The following MALRD1 variants were observed in gnomAD, a reference collection of about 807,000 sequenced individuals.
MALRD1 encodes MAM and LDL-receptor class A domain-containing protein 1.
In MALRD1, 247 loss-of-function variants were observed where a neutral mutation model predicts 242.1. That is an observed-to-expected ratio of 1.02 (90% CI 0.92 to 1.13). The LOEUF is 1.13. Ranked by LOEUF, MALRD1 falls within the 50% of genes most tolerant of loss-of-function variation. The pLI is 0.00. For missense variants in MALRD1, 2,989 were observed against 2,533.1 expected (o/e 1.18, Z -3.86); for synonymous variants, 995 against 866.6 (o/e 1.15, Z -2.60).
intron 32 of MALRD1, among the ~76,000 whole-genome samples, chr10:19,547,903 T>C (rs1835310151): frequency 7.3e-6 from 1 of 136,666 alleles, no homozygotes; most frequent in Non-Finnish European, 1.6e-5. Context: ...GTATGGCTGC[T>C]ATTTTCCCAA....
At position 19,283,052 on chromosome 10, in the gene MALRD1, T is replaced by G; in HGVS notation, c.3290T>G (p.Leu1097Arg). Residue 1097 changes from leucine (L) to arginine (R), a missense_variant, in exon 21 of 40, where the codon CTG becomes CGG. By Grantham distance (102) the Leu-to-Arg change is moderately radical. Transcript: ENST00000454679. ...MEVCSFEKRS[L>R]CKWYQPIPVH... Reference sequence around the variant, plus strand: ...GTTTGCAGCTTTGAGAAAAGAAGCCTGTGTAAATGGTATCAACCAATCCCA... The same window carrying G: ...GTTTGCAGCTTTGAGAAAAGAAGCCGGTGTAAATGGTATCAACCAATCCCA... 1 of 1,548,116 alleles carries G rather than the reference T, an allele frequency of 6.5e-7. No individual in the cohort carries two copies.
chr10:19,668,928 TC>T (rs1214454265), intron 36 of MALRD1, among the ~76,000 whole-genome samples: 3 of 152,232 alleles, frequency 2.0e-5, no homozygotes, highest in Non-Finnish European at 4.4e-5. Context: ...ATGAAAAATT[TC>T]CCCAGATTGG....
At chr10:19,692,397 T>C (rs748446296) in intron 37 of MALRD1, 36 bp downstream of exon 37, 153 of 1,531,954 alleles carry the variant, frequency 1.0e-4, no homozygotes, top group Middle Eastern at 6.7e-4. Context: ...TGGCTTGGTT[T>C]GGGGTGGTCT....
At chr10:19,532,926 C>T (rs1436287718) in intron 32 of MALRD1, among the ~76,000 whole-genome samples, 2 of 152,076 alleles carry the variant, frequency 1.3e-5, no homozygotes, top group Non-Finnish European at 2.9e-5. Flanking sequence ...AAATTTTATC[C>T]AGTGTAATTT....
chr10:19,235,068 G>A (rs1838251677), intron 18 of MALRD1, among the ~76,000 whole-genome samples: 1 of 152,184 alleles, frequency 6.6e-6, no homozygotes, highest in Non-Finnish European at 1.5e-5. Context: ...CCAGTAGCCA[G>A]ATCAAGGATA....
chr10:19,171,740 CAT>C (rs1289962042), intron 13 of MALRD1, among the ~76,000 whole-genome samples: 9 of 116,534 alleles, frequency 7.7e-5, no homozygotes, highest in Admixed American at 4.3e-4. Context: ...GTATATATAT[CAT>C]ATAATATACG....
intron 32 of MALRD1, among the ~76,000 whole-genome samples, chr10:19,538,736 C>T (rs1261565879): frequency 1.3e-5 from 2 of 151,804 alleles, no homozygotes; most frequent in African/African-American, 4.8e-5. Context: ...AGGTAACTCA[C>T]AATTTATACT....
intron 19 of MALRD1, among the ~76,000 whole-genome samples, chr10:19,269,425 T>G (rs1840103698): frequency 6.6e-6 from 1 of 152,264 alleles, no homozygotes; most frequent in Admixed American, 6.5e-5. Context: ...TGTGATACTT[T>G]AGAAAATACT....
At chr10:19,242,731 A>C (rs1838847766) in intron 18 of MALRD1, among the ~76,000 whole-genome samples, 1 of 152,072 alleles carries the variant, frequency 6.6e-6, no homozygotes, top group African/African-American at 2.4e-5. Context: ...TTAAAATATG[A>C]CATGACTGTG....
chr10:19,157,533 C>T (rs559507919), intron 12 of MALRD1, among the ~76,000 whole-genome samples: 1 of 152,228 alleles, frequency 6.6e-6, no homozygotes, highest in South Asian at 2.1e-4. Context: ...AGGCGTGAGC[C>T]ACCGCACCCA....
chr10:19,124,043 CA>C (rs71387044), intron 6 of MALRD1, among the ~76,000 whole-genome samples: 33,675 of 87,240 alleles, frequency 0.39, 4,456 homozygotes, highest in African/African-American at 0.51. Flanking sequence ...TCATCTCTAC[CA>C]AAAAAAAAAA....
intron 21 of MALRD1, among the ~76,000 whole-genome samples, chr10:19,317,116 C>T (rs182296066): frequency 2.0e-5 from 3 of 151,386 alleles, no homozygotes; most frequent in Non-Finnish European, 4.4e-5. Context: ...ACTGGCTTGG[C>T]TCATTTGGGC....
intron 38 of MALRD1, among the ~76,000 whole-genome samples, chr10:19,715,437 G>T (rs1430152328): frequency 1.3e-5 from 2 of 151,510 alleles, no homozygotes; most frequent in Non-Finnish European, 2.9e-5. Context: ...GTTTAAAAAT[G>T]ACCTTTACCA....
chr10:19,695,589 A>C (rs1263173743), intron 38 of MALRD1, among the ~76,000 whole-genome samples: 1 of 147,998 alleles, frequency 6.8e-6, no homozygotes, highest in African/African-American at 2.5e-5. Flanking sequence ...GCACAATCTC[A>C]GCTCACTGCC....
intron 28 of MALRD1, among the ~76,000 whole-genome samples, chr10:19,409,213 G>A (rs1382929762): frequency 6.6e-6 from 1 of 152,170 alleles, no homozygotes; most frequent in Non-Finnish European, 1.5e-5. Flanking sequence ...CAGATTGACT[G>A]AAAGATGAGG....
chr10:19,168,481 A>G (rs1407719693), intron 13 of MALRD1, among the ~76,000 whole-genome samples: 1 of 152,230 alleles, frequency 6.6e-6, no homozygotes, highest in Non-Finnish European at 1.5e-5. Context: ...TAATTTAGAA[A>G]TATGAGTTGA....
intron 29 of MALRD1, among the ~76,000 whole-genome samples, chr10:19,469,398 T>G (rs1189956115): frequency 1.3e-5 from 2 of 152,140 alleles, no homozygotes; most frequent in African/African-American, 4.8e-5. Flanking sequence ...TATTGCTAAA[T>G]AATGCTATTT....
rs144215013 is a variant in MALRD1 at position 19,471,447 on chromosome 10, CTT to C, written c.5030-20063_5030-20062del. On this transcript the variant is annotated intron_variant, in intron 29 of 39. Transcript: ENST00000454679. Reference sequence around the variant, plus strand: ...TTGTAATTCGATATGAATTTTAGGACTTTTTTTTCTATTTCTGTGGAAAACGA... The same window carrying C: ...TTGTAATTCGATATGAATTTTAGGACTTTTTTCTATTTCTGTGGAAAACGA... Among the ~76,000 whole-genome samples the C allele has an allele frequency of 8.4e-3, 1,277 of 151,490 alleles. 11 individuals are homozygous for C. The highest frequency in any genetic ancestry group is 0.03 in the African/African-American group (1,225 of 41,402).
intron 28 of MALRD1, among the ~76,000 whole-genome samples, chr10:19,390,957 A>G (rs4276997): frequency 0.88 from 134,626 of 152,186 alleles, 59,815 homozygotes; most frequent in African/African-American, 0.95. Context: ...GACTTCACCA[A>G]CACCCTTGAA....
Sources: allele counts gnomAD v4.1 joint callset (sites outside exome capture counted in the v4.1 genomes callset), GRCh38; gene constraint gnomAD v4.1.1; transcripts MANE v1.5; gene names NCBI Gene and HGNC (gene_info 2026-07-23, HGNC 2026-07-21).